TMC5: variants seen among roughly 807,000 people sequenced by gnomAD.
TMC5 encodes transmembrane channel like 5.
In TMC5, 86 loss-of-function variants were observed where a neutral mutation model predicts 110.5. The ratio of observed to expected loss-of-function variants is 0.78; its 90% confidence interval spans 0.65 to 0.93. The LOEUF is 0.93. Among genes scored for constraint, TMC5 ranks in the 40% least tolerant of loss-of-function variants. TMC5 has a pLI of 0.00. For missense variants in TMC5, 1,144 were observed against 1,222.8 expected (o/e 0.94, Z 0.96); for synonymous variants, 455 against 439.5 (o/e 1.04, Z -0.44).
At chr16:19,492,068 T>G in intron 18 of TMC5, 82 bp from the exon 19 acceptor site, 1 of 1,114,160 alleles carries the variant, frequency 9.0e-7, no homozygotes, top group Non-Finnish European at 1.4e-6. Flanking sequence ...AAGCACAGAT[T>G]CCAGTTCCTT....
At chr16:19,478,276 C>G (rs1567321517) in intron 13 of TMC5, among the ~76,000 whole-genome samples, 1 of 152,192 alleles carries the variant, frequency 6.6e-6, no homozygotes, top group Non-Finnish European at 1.5e-5. Context: ...AATCAGGAGT[C>G]TCTCTCTATT....
rs559322174 is a variant in TMC5, at chr16:19,442,847, G to T, written c.789-1234G>T. ...ATGTCTTTAGAACCCAAATAGTAGGGTTAACAGGACCAGGTGAAAATGTCC... is the reference window on the plus strand; with the variant it reads ...ATGTCTTTAGAACCCAAATAGTAGGTTTAACAGGACCAGGTGAAAATGTCC... On this transcript the variant is annotated intron_variant, in intron 3 of 21. Coordinates refer to ENST00000542583, the MANE Select transcript of TMC5 (RefSeq NM_001261841.2). 1.7e-3 allele frequency among the ~76,000 whole-genome samples: 254 copies of T among 152,288 alleles called. 1 individual carries two copies. Among genetic ancestry groups the T allele is most frequent in the Non-Finnish European group, 3.0e-3 (206 of 68,026 alleles).
chr16:19,495,341 A>G (rs1205094583), intron 20 of TMC5, among the ~76,000 whole-genome samples: 1 of 151,796 alleles, frequency 6.6e-6, no homozygotes, highest in African/African-American at 2.4e-5. Flanking sequence ...TTGCAAATCT[A>G]TTTCCCTAGG....
chr16:19,436,363 C>A (rs1481187199), intron 2 of TMC5, among the ~76,000 whole-genome samples: 2 of 151,486 alleles, frequency 1.3e-5, no homozygotes, highest in African/African-American at 4.8e-5. Flanking sequence ...TTATTTTGGG[C>A]CAATACAGCT....
At chr16:19,414,398 G>A (rs932205358), upstream of TMC5, among the ~76,000 whole-genome samples, 26 of 152,144 alleles carry the variant, frequency 1.7e-4, no homozygotes, top group African/African-American at 6.0e-4. Flanking sequence ...CATAGAAGGT[G>A]AAAAACTCTG....
At chr16:19,449,020 G>A (rs147331486) in intron 4 of TMC5, among the ~76,000 whole-genome samples, 10,778 of 150,830 alleles carry the variant, frequency 0.071, 778 homozygotes, top group African/African-American at 0.19. Context: ...CACTACACCC[G>A]GCTAATTTTT....
At position 19,452,305 on chromosome 16, in the gene TMC5, G is replaced by A. The variant is rs186896987; in HGVS notation, c.1048+2674G>A. ...CAGAGCTTCCATGCCCTCCCTGGGT[G>A]AGCCACCCTCCAGGAACCTCCCCGT... On this transcript the variant is annotated intron_variant, in intron 5 of 21. Coordinates refer to ENST00000542583, the MANE Select transcript of TMC5 (RefSeq NM_001261841.2). 1.9e-3 allele frequency among the ~76,000 whole-genome samples: 285 copies of A among 152,314 alleles called. 2 individuals are homozygous for A. Among genetic ancestry groups the A allele is most frequent in the African/African-American group, 5.9e-3 (244 of 41,572 alleles).
Position 19,497,182 on chromosome 16 carries a change from A to G in TMC5, c.2974+19A>G. ...AGTCTTGGTGAGTAATTAAACTGGG[A>G]CAGAATAAGACACTAATTTATTTCT... On this transcript the variant is annotated intron_variant, in intron 21 of 21. Coordinates refer to ENST00000542583, the MANE Select transcript of TMC5 (RefSeq NM_001261841.2). The G allele has an allele frequency of 6.2e-7, 1 of 1,605,326 alleles. No homozygotes were observed. Among genetic ancestry groups the G allele is most frequent in the East Asian group, 2.2e-5 (1 of 44,812 alleles).
intron 10 of TMC5, among the ~76,000 whole-genome samples, 197 bp from the exon 11 acceptor site, chr16:19,471,891 G>A (rs1444598682): frequency 6.6e-6 from 1 of 152,164 alleles, no homozygotes; most frequent in Non-Finnish European, 1.5e-5. Flanking sequence ...CTCCCGAGTA[G>A]CTGGGATTAC....
chr16:19,481,151 C>G (rs1016311539), intron 14 of TMC5, among the ~76,000 whole-genome samples: 2 of 152,136 alleles, frequency 1.3e-5, no homozygotes, highest in East Asian at 3.9e-4. Context: ...GCAGTACCCC[C>G]ACTAGACTGC....
chr16:19,449,498 T>G, intron 4 of TMC5, 44 bp from the exon 5 acceptor site: 2 of 1,496,032 alleles, frequency 1.3e-6, no homozygotes, highest in Non-Finnish European at 1.9e-6. Flanking sequence ...GAATGTCTAG[T>G]GTGGTGAGAC....
At chr16:19,413,347 G>T (rs1482595808), upstream of TMC5, among the ~76,000 whole-genome samples, 4 of 151,752 alleles carry the variant, frequency 2.6e-5, no homozygotes, top group East Asian at 5.8e-4. Context: ...AACACGGCAA[G>T]ACCTCGTCTC....
Position 19,479,518 on chromosome 16 carries a change from T to C in TMC5, c.2257T>C (p.Phe753Leu), listed in dbSNP as rs764954347. ...TTTAGTCAATTCCTTCCTGGGGGAGTTTCTGAGGAGGTAAATATTTGCCAT... is the reference window on the plus strand; with the variant it reads ...TTTAGTCAATTCCTTCCTGGGGGAGCTTCTGAGGAGGTAAATATTTGCCAT... ...FSLVNSFLGE[F>L]LRRIIGMQLI... Residue 753 changes from phenylalanine to leucine, a missense_variant, in exon 14 of 22, where the codon TTT becomes CTT. Transcript: ENST00000542583. The C allele has an allele frequency of 2.4e-5, 39 of 1,611,820 alleles. No homozygotes were observed. Among genetic ancestry groups the C allele is most frequent in the Non-Finnish European group, 3.0e-5 (35 of 1,178,242 alleles).
chr16:19,416,923 ATC>A (rs982969396), upstream of TMC5, among the ~76,000 whole-genome samples: 5 of 151,744 alleles, frequency 3.3e-5, no homozygotes, highest in African/African-American at 1.2e-4. Flanking sequence ...GTGAAACCCC[ATC>A]TCTACTAAAA....
intron 5 of TMC5, chr16:19,456,715 C>T (rs902687135): frequency 5.0e-6 from 8 of 1,607,494 alleles, no homozygotes; most frequent in African/African-American, 2.7e-5. Flanking sequence ...AGATGCTGTC[C>T]GATGACCACG....
intron 1 of TMC5, among the ~76,000 whole-genome samples, chr16:19,418,554 A>G (rs1379144154): frequency 6.6e-6 from 1 of 152,040 alleles, no homozygotes; most frequent in Admixed American, 6.6e-5. Context: ...GCTTTGTTGG[A>G]TGAGTGAATT....
chr16:19,427,884 C>A (rs964070778), intron 1 of TMC5, among the ~76,000 whole-genome samples: 1 of 152,168 alleles, frequency 6.6e-6, no homozygotes, highest in Admixed American at 6.5e-5. Flanking sequence ...GAAAGCCAGC[C>A]GCACACTGCG....
chr16:19,438,186 G>C (rs1009659380), intron 2 of TMC5, among the ~76,000 whole-genome samples: 1 of 151,930 alleles, frequency 6.6e-6, no homozygotes, highest in African/African-American at 2.4e-5. Context: ...GAGCTCAGGA[G>C]TTCAAGATCA....
intron 1 of TMC5, among the ~76,000 whole-genome samples, chr16:19,428,711 G>C (rs1388627858): frequency 2.0e-5 from 3 of 152,050 alleles, no homozygotes; most frequent in Non-Finnish European, 4.4e-5. Context: ...CTTTCCTTGA[G>C]AATTGAATAA....
Sources: gnomAD v4.1 joint callset for allele counts (sites outside exome capture counted in the v4.1 genomes callset) on GRCh38, gnomAD v4.1.1 for gene constraint, MANE v1.5 for transcripts, NCBI Gene and HGNC (gene_info 2026-07-23, HGNC 2026-07-21) for gene names.